LRRTM4: variants seen among roughly 807,000 people sequenced by gnomAD.
LRRTM4 encodes leucine-rich repeat transmembrane neuronal protein 4.
A neutral mutation model predicts 47.6 loss-of-function variants in LRRTM4; 25 were observed. The ratio of observed to expected loss-of-function variants is 0.53; its 90% CI spans 0.38 to 0.73. The LOEUF (loss-of-function observed/expected upper bound fraction) is 0.73. Among genes scored for constraint, LRRTM4 ranks in the 30% least tolerant of loss-of-function variants. The pLI is 0.00. For synonymous variants in LRRTM4, 311 were observed against 269.5 expected (o/e 1.15, Z -1.51); for missense variants, 638 against 713.4 (o/e 0.89, Z 1.20).
At chr2:76,902,083 T>C (rs1326905310) in intron 3 of LRRTM4, among the ~76,000 whole-genome samples, 3 of 152,254 alleles carry the variant, frequency 2.0e-5, no homozygotes, top group Middle Eastern at 3.4e-3. Context: ...GGCTAAGGAA[T>C]AGAGAAAAGT....
At chr2:77,388,241 G>A (rs527747995) in intron 3 of LRRTM4, among the ~76,000 whole-genome samples, 21 of 151,758 alleles carry the variant, frequency 1.4e-4, no homozygotes, top group Non-Finnish European at 2.4e-4. Context: ...AAAATGAATC[G>A]TCACAGAAAG....
At chr2:76,782,820 C>G (rs1326823748) in intron 3 of LRRTM4, among the ~76,000 whole-genome samples, 3 of 152,180 alleles carry the variant, frequency 2.0e-5, no homozygotes, top group African/African-American at 7.2e-5. Flanking sequence ...TTAACACCTA[C>G]AAGTACATTA....
chr2:77,351,614 T>TTA (rs71656252), intron 3 of LRRTM4, among the ~76,000 whole-genome samples: 11,097 of 135,194 alleles, frequency 0.082, 454 homozygotes, highest in African/African-American at 0.093. Flanking sequence ...CATGACAAAT[T>TTA]TATATATATA....
At chr2:77,441,852 A>G (rs1354162981) in intron 3 of LRRTM4, among the ~76,000 whole-genome samples, 1 of 152,086 alleles carries the variant, frequency 6.6e-6, no homozygotes, top group East Asian at 1.9e-4. Flanking sequence ...TAATCAATAA[A>G]CTGTTTAAGG....
At chr2:77,408,923 G>A (rs1223092291) in intron 3 of LRRTM4, among the ~76,000 whole-genome samples, 2 of 152,126 alleles carry the variant, frequency 1.3e-5, no homozygotes, top group East Asian at 3.9e-4. Context: ...TCTACTATCT[G>A]CTAAGACTGA....
chr2:76,894,976 T>G (rs1390893676), intron 3 of LRRTM4, among the ~76,000 whole-genome samples: 1 of 151,688 alleles, frequency 6.6e-6, no homozygotes, highest in Non-Finnish European at 1.5e-5. Context: ...TATAGCAGCT[T>G]TCACTTTCTT....
In LRRTM4 at chr2:76,766,707, C is replaced by G. The variant is rs192758427; in HGVS notation, c.1552-17791G>C. On this transcript the variant is annotated intron_variant, in intron 3 of 3. Transcript: ENST00000409884. ...GTTCTGAAGTAACTGGTTTCTGCTA[C>G]AGCAGTAGTTGTCAACCTGTGGCAA... 9.5e-4 allele frequency among the ~76,000 whole-genome samples: 144 copies of G among 152,322 alleles called. 1 individual carries two copies. Among genetic ancestry groups the G allele is most frequent in the Non-Finnish European group, 1.8e-3 (121 of 68,024 alleles).
At chr2:77,394,702 G>A (rs553966980) in intron 3 of LRRTM4, among the ~76,000 whole-genome samples, 1 of 151,902 alleles carries the variant, frequency 6.6e-6, no homozygotes, top group Non-Finnish European at 1.5e-5. Context: ...TGCAGGTTAC[G>A]TACAACTCAT....
intron 3 of LRRTM4, among the ~76,000 whole-genome samples, chr2:76,947,394 G>C (rs539540963): frequency 1.3e-5 from 2 of 151,770 alleles, no homozygotes; most frequent in African/African-American, 4.8e-5. Context: ...GGACATGCAA[G>C]AATTTGAAGC....
intron 3 of LRRTM4, among the ~76,000 whole-genome samples, chr2:76,887,863 C>G (rs1409500425): frequency 6.6e-6 from 1 of 150,662 alleles, no homozygotes; most frequent in Non-Finnish European, 1.5e-5. Flanking sequence ...TTGTCAAGAC[C>G]AATAAAGATA....
At chr2:77,099,860 T>TA (rs1670905428) in intron 3 of LRRTM4, among the ~76,000 whole-genome samples, 1 of 152,100 alleles carries the variant, frequency 6.6e-6, no homozygotes, top group Non-Finnish European at 1.5e-5. Flanking sequence ...ATTTTAAAAA[T>TA]AAAATAATAA....
At chr2:76,804,750 ATT>A (rs966997913) in intron 3 of LRRTM4, among the ~76,000 whole-genome samples, 7 of 115,618 alleles carry the variant, frequency 6.1e-5, no homozygotes, top group African/African-American at 1.9e-4. Context: ...TATATATATC[ATT>A]GTTTTATAAC....
At chr2:77,165,912 G>A (rs1433408503) in intron 3 of LRRTM4, among the ~76,000 whole-genome samples, 3 of 152,160 alleles carry the variant, frequency 2.0e-5, no homozygotes, top group Admixed American at 6.5e-5. Context: ...AGACAGGGAT[G>A]CCCTCTCTCA....
chr2:77,362,129 G>GAAAGAAAGAAAGA (rs1558707255), intron 3 of LRRTM4, among the ~76,000 whole-genome samples: 1 of 127,582 alleles, frequency 7.8e-6, no homozygotes, highest in Non-Finnish European at 1.7e-5. Context: ...AAGAAAGAAA[G>GAAAGAAAGAAAGA]AAAGAAAGAA....
At chr2:77,089,230 C>T (rs565785394) in intron 3 of LRRTM4, among the ~76,000 whole-genome samples, 1 of 143,830 alleles carries the variant, frequency 7.0e-6, no homozygotes, top group Admixed American at 6.9e-5. Context: ...GTAACCGAAC[C>T]CCTTGTCTTC....
At chr2:76,877,932 T>G (rs1342970301) in intron 3 of LRRTM4, among the ~76,000 whole-genome samples, 1 of 152,156 alleles carries the variant, frequency 6.6e-6, no homozygotes, top group African/African-American at 2.4e-5. Context: ...AGGTCACAGA[T>G]GCATACCTCA....
At chr2:77,315,309 A>C (rs1349081322) in intron 3 of LRRTM4, among the ~76,000 whole-genome samples, 1 of 152,160 alleles carries the variant, frequency 6.6e-6, no homozygotes, top group Non-Finnish European at 1.5e-5. Context: ...ATTTAGGATG[A>C]CATTGTAGAA....
chr2:77,411,590 C>A (rs1361419877), intron 3 of LRRTM4, among the ~76,000 whole-genome samples: 2 of 145,614 alleles, frequency 1.4e-5, no homozygotes, highest in South Asian at 2.2e-4. Flanking sequence ...GTAGCTGAGA[C>A]AACAGGCCCC....
chr2:76,832,889 G>T (rs1400845), intron 3 of LRRTM4, among the ~76,000 whole-genome samples: 8 of 151,860 alleles, frequency 5.3e-5, no homozygotes, highest in Non-Finnish European at 1.2e-4. Context: ...ATGCTGACTC[G>T]TGTAACCCAG....
Sources: gnomAD v4.1 joint callset for allele counts (sites outside exome capture counted in the v4.1 genomes callset) on GRCh38, gnomAD v4.1.1 for gene constraint, MANE v1.5 for transcripts, NCBI Gene and HGNC (gene_info 2026-07-23, HGNC 2026-07-21) for gene names.